Variants in HDAC9 observed in about 807,000 individuals in gnomAD.
HDAC9 encodes the protein MEF-2 interacting transcription repressor (MITR) protein.
A neutral mutation model predicts 139.4 loss-of-function variants in HDAC9; 41 were observed. That is an observed-to-expected ratio of 0.29 (90% CI 0.23 to 0.38). The LOEUF (loss-of-function observed/expected upper bound fraction) is 0.38, where lower values mean the gene tolerates loss of function less well. HDAC9 is among the 10% of genes least tolerant of loss of function. The pLI is 1.00. For synonymous variants in HDAC9, 517 were observed against 476.2 expected (o/e 1.09, Z -1.12); for missense variants, 1,147 against 1,297.0 (o/e 0.88, Z 1.78).
At chr7:18,220,408 A>G (rs1792617043) in intron 2 of HDAC9, among the ~76,000 whole-genome samples, 1 of 152,138 alleles carries the variant, frequency 6.6e-6, no homozygotes, top group African/African-American at 2.4e-5. Context: ...AAACCCATAG[A>G]TGTGATGAAT....
chr7:18,907,234 C>G (rs1802341933), intron 22 of HDAC9, among the ~76,000 whole-genome samples: 1 of 151,998 alleles, frequency 6.6e-6, no homozygotes, highest in Admixed American at 6.6e-5. Flanking sequence ...CAATTTAGCT[C>G]AATGTAGAAG....
intron 22 of HDAC9, among the ~76,000 whole-genome samples, chr7:18,897,078 C>G (rs965743385): frequency 3.3e-5 from 5 of 151,724 alleles, no homozygotes; most frequent in Non-Finnish European, 5.9e-5. Context: ...TAGTTTAAAA[C>G]CACAACCTAT....
chr7:18,278,127 A>C (rs1372834752), intron 2 of HDAC9, among the ~76,000 whole-genome samples: 4 of 152,158 alleles, frequency 2.6e-5, no homozygotes, highest in African/African-American at 9.7e-5. Flanking sequence ...GCTATGTTCC[A>C]CTTCTGGATA....
chr7:18,427,410 A>T (rs867527765), intron 1 of HDAC9, among the ~76,000 whole-genome samples: 26 of 148,732 alleles, frequency 1.7e-4, no homozygotes, highest in Middle Eastern at 3.5e-3. Flanking sequence ...TTATTTCTTT[A>T]TTTTTTTTTT....
intron 12 of HDAC9, among the ~76,000 whole-genome samples, chr7:18,677,313 G>A (rs1781580295): frequency 6.6e-6 from 1 of 151,788 alleles, no homozygotes; most frequent in Middle Eastern, 3.2e-3. Context: ...GTATGTACCA[G>A]TGATATGGTC....
intron 1 of HDAC9, among the ~76,000 whole-genome samples, chr7:18,158,717 T>A (rs1787404713): frequency 6.6e-6 from 1 of 152,236 alleles, no homozygotes; most frequent in Non-Finnish European, 1.5e-5. Flanking sequence ...TCTGCTGACT[T>A]GTGATGCTAT....
rs1047153000 is a variant in HDAC9, at chr7:18,587,890, A to T, written c.264+2368A>T. On this transcript the variant is annotated intron_variant, in intron 3 of 25. Coordinates refer to ENST00000686413, the MANE Select transcript of HDAC9 (RefSeq NM_178425.4). ...GTGCTTTTCTAGATTCCTATGAAAG[A>T]TTAAAGTTCAAATACATTGGGGCTT... 2.6e-5 allele frequency among the ~76,000 whole-genome samples: 4 copies of T among 152,256 alleles called. No homozygotes were observed. In the East Asian group the frequency reaches 7.7e-4, roughly 29 times the overall value.
chr7:18,936,432 G>A (rs1277722963), intron 23 of HDAC9, among the ~76,000 whole-genome samples: 1 of 152,162 alleles, frequency 6.6e-6, no homozygotes, highest in African/African-American at 2.4e-5. Flanking sequence ...CATGCAGTCA[G>A]AATGCATTAT....
At chr7:18,863,440 T>C (rs1798259306) in intron 21 of HDAC9, among the ~76,000 whole-genome samples, 1 of 152,144 alleles carries the variant, frequency 6.6e-6, no homozygotes, top group South Asian at 2.1e-4. Flanking sequence ...AATGTTTTTG[T>C]TTTTGGATTT....
intron 1 of HDAC9, among the ~76,000 whole-genome samples, chr7:18,101,728 A>G (rs957560410): frequency 2.0e-5 from 3 of 152,172 alleles, no homozygotes; most frequent in African/African-American, 7.2e-5. Context: ...TGCTTTTATC[A>G]CTGTCCTAGC....
At chr7:18,574,024 G>T (rs958883806) in intron 2 of HDAC9, among the ~76,000 whole-genome samples, 2 of 152,242 alleles carry the variant, frequency 1.3e-5, no homozygotes, top group African/African-American at 4.8e-5. Context: ...TACCCAGGAA[G>T]AATGAGGTAT....
chr7:18,481,195 A>AATATT (rs1283926328), intron 1 of HDAC9, among the ~76,000 whole-genome samples: 1 of 152,206 alleles, frequency 6.6e-6, no homozygotes, highest in African/African-American at 2.4e-5. Context: ...TAATAATAAT[A>AATATT]ATATTATATG....
intron 1 of HDAC9, among the ~76,000 whole-genome samples, chr7:18,336,938 C>A (rs917300470): frequency 6.6e-6 from 1 of 151,412 alleles, no homozygotes; most frequent in African/African-American, 2.4e-5. Context: ...TTTATAATTA[C>A]CAATTTAAAG....
At chr7:18,742,808 T>C (rs1212460475) in intron 13 of HDAC9, among the ~76,000 whole-genome samples, 1 of 152,162 alleles carries the variant, frequency 6.6e-6, no homozygotes, top group Non-Finnish European at 1.5e-5. Context: ...CAGTATAGAT[T>C]TTAATTTTGC....
intron 1 of HDAC9, among the ~76,000 whole-genome samples, chr7:18,308,186 CT>C: frequency 6.6e-6 from 1 of 152,248 alleles, no homozygotes; most frequent in South Asian, 2.1e-4. Flanking sequence ...TTGTTAAAGA[CT>C]TCATCCAATT....
rs556018541 is a variant in HDAC9, at chr7:18,670,720, T to A, written c.1731+4244T>A. Among the ~76,000 whole-genome samples, 3 of 152,148 alleles carry A rather than the reference T, an allele frequency of 2.0e-5. No individual in the cohort carries two copies. In the East Asian group the frequency reaches 5.8e-4, roughly 30 times the overall value. ...CCATTGTGCTGTGTTGGTGCAACGA[T>A]TCTTTATATCTGCCCGATATGCTTA... On this transcript the variant is annotated intron_variant, in intron 12 of 25. Transcript: ENST00000686413.
intron 1 of HDAC9, among the ~76,000 whole-genome samples, chr7:18,136,717 T>C (rs1785448929): frequency 6.6e-6 from 1 of 151,424 alleles, no homozygotes; most frequent in Admixed American, 6.6e-5. Context: ...CCTTGTAGTA[T>C]AGTTTGAAGT....
intron 6 of HDAC9, among the ~76,000 whole-genome samples, chr7:18,595,420 A>G (rs1027063037): frequency 1.3e-5 from 2 of 152,046 alleles, no homozygotes; most frequent in East Asian, 3.9e-4. Context: ...CTAAAACATG[A>G]GTATAGTTTA....
chr7:18,251,168 A>G (rs1399643314), intron 2 of HDAC9, among the ~76,000 whole-genome samples: 1 of 152,232 alleles, frequency 6.6e-6, no homozygotes, highest in East Asian at 1.9e-4. Flanking sequence ...ATGGAATACC[A>G]TGCATCTGTA....
Sources: allele counts gnomAD v4.1 joint callset (sites outside exome capture counted in the v4.1 genomes callset), GRCh38; gene constraint gnomAD v4.1.1; transcripts MANE v1.5; gene names NCBI Gene and HGNC (gene_info 2026-07-23, HGNC 2026-07-21).